Variants in TRPM4 observed in about 807,000 individuals in gnomAD.
TRPM4 encodes calcium-activated non-selective cation channel 1.
In TRPM4, 124 loss-of-function variants were observed where a neutral mutation model predicts 135.6. The observed-to-expected ratio is 0.91, with a 90% confidence interval of 0.79 to 1.06. The LOEUF (loss-of-function observed/expected upper bound fraction) is 1.06. Among genes scored for constraint, TRPM4 ranks in the 50% least tolerant of loss-of-function variants. The pLI, the probability that TRPM4 is intolerant of heterozygous loss-of-function variation, is 0.00. For synonymous variants in TRPM4, 745 were observed against 705.6 expected, an observed-to-expected ratio of 1.06 and a Z score of -0.88; for missense variants, 1,658 against 1,671.4, an observed-to-expected ratio of 0.99 and a Z score of 0.14.
At chr19:49,203,261 C>G (rs1338929989) in intron 20 of TRPM4, among the ~76,000 whole-genome samples, 1 of 151,880 alleles carries the variant, frequency 6.6e-6, no homozygotes, top group Non-Finnish European at 1.5e-5. Context: ...CTTACTGCAA[C>G]CTCCACCTCC....
intron 20 of TRPM4, among the ~76,000 whole-genome samples, chr19:49,207,680 C>T (rs1969201157): frequency 1.4e-5 from 2 of 146,562 alleles, no homozygotes; most frequent in South Asian, 4.3e-4. Context: ...GTGGCTCAAG[C>T]CTGCAATCCC....
intron 14 of TRPM4, among the ~76,000 whole-genome samples, chr19:49,189,385 TC>T (rs950141325): frequency 6.6e-6 from 1 of 152,176 alleles, no homozygotes; most frequent in Non-Finnish European, 1.5e-5. Flanking sequence ...ACCTTGGAAG[TC>T]CTTCCCGCTT....
At chr19:49,197,338 TTCTTTC>T (rs1255829940) in intron 17 of TRPM4, among the ~76,000 whole-genome samples, 2 of 131,298 alleles carry the variant, frequency 1.5e-5, no homozygotes, top group African/African-American at 4.0e-5. Flanking sequence ...CTTTCTTTCT[TTCTTTC>T]TTTCTTTCTT....
intron 16 of TRPM4, among the ~76,000 whole-genome samples, chr19:49,194,925 ATT>A (rs1167147460): frequency 1.5e-5 from 2 of 136,014 alleles, no homozygotes; most frequent in Non-Finnish European, 3.2e-5. Context: ...CACCTGGCTA[ATT>A]TTTTTTTTTT....
Position 49,158,257 on chromosome 19 carries a change from G to A in TRPM4, c.90G>A (p.Pro30=). ...CGTTCATAGTTGACTCCACAGATCCGGGGTGAGGAGTTCGCCCCTGGACTG... is the reference window on the plus strand; with the variant it reads ...CGTTCATAGTTGACTCCACAGATCCAGGGTGAGGAGTTCGCCCCTGGACTG... ...CTTFIVDSTD[P]GGTLCQCGRP... Residue 30 remains proline (P), a splice_region_variant and synonymous_variant, in exon 2 of 25, where the codon CCG becomes CCA. Coordinates refer to ENST00000252826, the MANE Select transcript of TRPM4 (RefSeq NM_017636.4). 1 of 1,613,716 alleles carries A rather than the reference G, an allele frequency of 6.2e-7. No homozygotes were observed. The highest frequency in any genetic ancestry group is 8.5e-7 in the Non-Finnish European group (1 of 1,179,906).
At chr19:49,183,930 CGCCCA>C (rs1407182950) in intron 12 of TRPM4, among the ~76,000 whole-genome samples, 1 of 151,636 alleles carries the variant, frequency 6.6e-6, no homozygotes, top group East Asian at 1.9e-4. Context: ...CCCGCCACCA[CGCCCA>C]GCTAATTTTT....
chr19:49,159,312 G>A (rs192411048), intron 2 of TRPM4: 1 of 151,970 alleles, frequency 6.6e-6, no homozygotes, highest in Non-Finnish European at 1.5e-5. Flanking sequence ...TTACAGGCGT[G>A]AGCCATCGCG....
At position 49,211,599 on chromosome 19, in the gene TRPM4, T is replaced by C; in HGVS notation, c.*101T>C. On this transcript the variant is annotated 3_prime_UTR_variant, in exon 25 of 25. Transcript: ENST00000252826. The surrounding 1 kb of genome is among the most constrained non-coding windows in gnomAD (Gnocchi z 4.8). ...CCCCCGCACCTGGTGGCCTTGTCCT[T>C]GAGGTGAGCCCCATGTCCATCTGGG... The C allele has an allele frequency of 6.7e-7, 1 of 1,486,870 alleles. No homozygotes were observed. Among genetic ancestry groups the C allele is most frequent in the South Asian group, 1.1e-5 (1 of 88,596 alleles). 92.1% of individuals were successfully genotyped at this position (1,486,870 alleles called of 1,614,324 possible).
chr19:49,196,108 C>T (rs1023448388), intron 16 of TRPM4, among the ~76,000 whole-genome samples: 2 of 152,014 alleles, frequency 1.3e-5, no homozygotes, highest in African/African-American at 2.4e-5. Flanking sequence ...ATCTGCCCGC[C>T]TTAACTCCCA....
Position 49,210,543 on chromosome 19 carries a change from G to GAGCTTA in TRPM4, c.3328+142_3328+147dup. 7.1e-7 allele frequency: 1 copy of GAGCTTA among 1,416,172 alleles called. No individual in the cohort carries two copies. Among genetic ancestry groups the GAGCTTA allele is most frequent in the Non-Finnish European group, 9.8e-7 (1 of 1,024,890 alleles). The allele number at this position is 1,416,172 out of a possible 1,614,324, so 87.7% of individuals were successfully genotyped here. A position where few individuals can be genotyped will look rare whatever the true frequency, so the allele number is the denominator to read the frequency against. ...GGCGGGGTTTAAGCAACAAGGGGCG[G>GAGCTTA]AGCTTAAGCACTGAGGGGCAGTGCT... is the stretch of plus-strand genomic sequence containing the variant. On this transcript the variant is annotated intron_variant, in intron 21 of 24. Transcript: ENST00000252826. This position sits in a 1 kb window ranked among gnomAD's most constrained non-coding sequence, Gnocchi z 4.1.
In TRPM4 at chr19:49,210,748, A is replaced by C. The variant is rs144912849; in HGVS notation, c.3367A>C (p.Thr1123Pro). 13 of 1,614,168 alleles carry C rather than the reference A, an allele frequency of 8.1e-6. No homozygotes were observed. The African/African-American group carries it at 1.3e-4, about 17-fold the overall frequency. The stretch of plus-strand genomic sequence containing the variant: ...TAAGGAAGCCGAGCGGAAGCTGCTA[A>C]CGTGGGAATCGGTGCATAAGGAGAA... The part of the protein sequence containing the change: ...LSKEAERKLL[T>P]WESVHKENFL... The change falls in exon 22 of 25, where the codon ACG (threonine) becomes CCG (proline). Residue 1123 changes from threonine (T) to proline (P), a missense_variant. Physicochemically the swap from Thr to Pro is conservative, Grantham distance 38. Transcript: ENST00000252826. The surrounding 1 kb of genome is among the most constrained non-coding windows in gnomAD (Gnocchi z 4.1).
chr19:49,178,500 G>A lies in TRPM4; in HGVS notation c.1151-2849G>A, dbSNP rs549140033. ...TGGACGTGGGACATGAAGCTTGGGG[G>A]CTGATGGCCTGTGAGATGGGAGGAG... On this transcript the variant is annotated intron_variant, in intron 9 of 24. Transcript: ENST00000252826. Among the ~76,000 whole-genome samples, 3 of 152,130 alleles carry A rather than the reference G, an allele frequency of 2.0e-5. No individual in the cohort carries two copies. The East Asian group carries it at 5.8e-4, about 29-fold the overall frequency.
intron 20 of TRPM4, among the ~76,000 whole-genome samples, chr19:49,209,707 A>C (rs1969275365): frequency 7.1e-6 from 1 of 139,938 alleles, no homozygotes; most frequent in South Asian, 2.2e-4. Flanking sequence ...TCCCAACTTG[A>C]CCTCTGACAT....
At chr19:49,202,378 C>G (rs1968969337) in intron 20 of TRPM4, among the ~76,000 whole-genome samples, 1 of 152,126 alleles carries the variant, frequency 6.6e-6, no homozygotes, top group African/African-American at 2.4e-5. Flanking sequence ...GGGTCTCACT[C>G]TGTCGCCAAG....
At chr19:49,193,173 C>G (rs938049494) in intron 16 of TRPM4, among the ~76,000 whole-genome samples, 1 of 151,378 alleles carries the variant, frequency 6.6e-6, no homozygotes, top group Admixed American at 6.6e-5. Context: ...CTCCTCCTCC[C>G]GGGTTCACAC....
chr19:49,175,136 T>C (rs1226468434), intron 9 of TRPM4, among the ~76,000 whole-genome samples: 1 of 145,470 alleles, frequency 6.9e-6, no homozygotes, highest in Non-Finnish European at 1.5e-5. Context: ...AGTGCAATAG[T>C]GCCATCTCAG....
In TRPM4 at chr19:49,158,214, A is replaced by C; in HGVS notation, c.47A>C (p.Lys16Thr). Residue 16 changes from lysine to threonine, a missense_variant, in exon 2 of 25, where the codon AAG (lysine) becomes ACG (threonine). Transcript: ENST00000252826. ...CAGAGCTGGATCCCCAAGATCTTCA[A>C]GAAGAAGACCTGCACGACGTTCATA... ...KEQSWIPKIF[K>T]KKTCTTFIVD... is the part of the protein sequence containing the mutation. 1 of 1,613,856 alleles carries C rather than the reference A, an allele frequency of 6.2e-7. No individual in the cohort carries two copies. Among genetic ancestry groups the C allele is most frequent in the South Asian group, 1.1e-5 (1 of 91,066 alleles).
Position 49,200,720 on chromosome 19 carries a change from T to A in TRPM4, c.2888T>A (p.Leu963Gln), listed in dbSNP as rs1375720421. ...CGGGACAGTGACTTCCCAAGTATCCTGCGCCGCGTCTTCTACCGTCCCTAC... is the reference window on the plus strand; with the variant it reads ...CGGGACAGTGACTTCCCAAGTATCCAGCGCCGCGTCTTCTACCGTCCCTAC... ...RPRDSDFPSILRRVFYRPYLQ... is the reference protein window; with the variant it reads ...RPRDSDFPSIQRRVFYRPYLQ... The change falls in exon 19 of 25, where the codon CTG (leucine) becomes CAG (glutamine). Residue 963 changes from leucine to glutamine, a missense_variant. By Grantham distance (113) the Leu-to-Gln change is moderately radical. Coordinates refer to ENST00000252826, the MANE Select transcript of TRPM4 (RefSeq NM_017636.4). The A allele has an allele frequency of 6.2e-7, 1 of 1,614,090 alleles. No homozygotes were observed. The highest frequency in any genetic ancestry group is 1.7e-5 in the Admixed American group (1 of 60,004).
intron 9 of TRPM4, among the ~76,000 whole-genome samples, chr19:49,180,334 C>T (rs760396902): frequency 4.0e-5 from 6 of 151,774 alleles, no homozygotes; most frequent in Non-Finnish European, 8.8e-5. Context: ...CGGAGTCCCT[C>T]TCCTGTTCTC....
Sources: allele counts gnomAD v4.1 joint callset (sites outside exome capture counted in the v4.1 genomes callset), GRCh38; gene constraint gnomAD v4.1.1; non-coding constraint Gnocchi (gnomAD v3.1); transcripts MANE v1.5; gene names NCBI Gene and HGNC (gene_info 2026-07-23, HGNC 2026-07-21).